Variants in BBS9 observed in about 807,000 individuals in gnomAD.
BBS9 encodes the protein protein PTHB1.
In BBS9, 89 loss-of-function variants were observed where a neutral mutation model predicts 117.7. That is an observed-to-expected ratio of 0.76 (90% CI 0.64 to 0.90). The LOEUF (loss-of-function observed/expected upper bound fraction) is 0.90, where lower values mean the gene tolerates loss of function less well. Ranked by LOEUF, BBS9 falls within the 40% of genes least tolerant of loss-of-function variation. The probability of loss-of-function intolerance (pLI) is 0.00; values close to 1 mark genes in which losing one functional copy is unlikely to be tolerated. For missense variants in BBS9, 982 were observed against 1,042.2 expected (o/e 0.94, Z 0.80); for synonymous variants, 379 against 370.9 (o/e 1.02, Z -0.25).
intron 9 of BBS9, among the ~76,000 whole-genome samples, chr7:33,319,423 G>C (rs900334690): frequency 1.3e-5 from 2 of 152,166 alleles, no homozygotes; most frequent in Non-Finnish European, 2.9e-5. Context: ...TAGTGGGATT[G>C]CTGGATCAAA....
chr7:33,591,968 T>C (rs1458990282), intron 21 of BBS9, among the ~76,000 whole-genome samples: 2 of 152,078 alleles, frequency 1.3e-5, no homozygotes, highest in African/African-American at 4.8e-5. Flanking sequence ...ATCCGTGGTT[T>C]CATTTTAAAA....
At position 33,393,194 on chromosome 7, in the gene BBS9, A is replaced by C. The variant is rs897504064; in HGVS notation, c.2115+5050A>C. On this transcript the variant is annotated intron_variant, in intron 19 of 22. Transcript: ENST00000242067. The stretch of plus-strand genomic sequence containing the variant: ...ACAAACAAACAAACAAACAAACAAA[A>C]AATAAATAAATAAAAAATAATGCAA... Among the ~76,000 whole-genome samples, 8 of 151,700 alleles carry C rather than the reference A, an allele frequency of 5.3e-5. No individual in the cohort carries two copies. In the East Asian group the frequency reaches 5.8e-4, roughly 11 times the overall value.
intron 12 of BBS9, 119 bp downstream of exon 12, chr7:33,344,753 T>C: frequency 4.6e-6 from 5 of 1,087,272 alleles, no homozygotes; most frequent in Non-Finnish European, 7.0e-6. Context: ...TTGGCATTTG[T>C]AGATTTTTCC....
At chr7:33,517,348 T>C (rs1456230195) in intron 20 of BBS9, among the ~76,000 whole-genome samples, 1 of 152,212 alleles carries the variant, frequency 6.6e-6, no homozygotes, top group Admixed American at 6.5e-5. Context: ...CATTCCTGAA[T>C]GCTTCCACCT....
chr7:33,230,061 G>A (rs1403690569), intron 5 of BBS9, among the ~76,000 whole-genome samples: 6 of 151,978 alleles, frequency 3.9e-5, no homozygotes, highest in Non-Finnish European at 8.8e-5. Flanking sequence ...TGTCTTCTTT[G>A]GAGAAATGTC....
chr7:33,570,062 GA>G (rs1857539430), intron 21 of BBS9, among the ~76,000 whole-genome samples: 1 of 152,164 alleles, frequency 6.6e-6, no homozygotes, highest in African/African-American at 2.4e-5. Flanking sequence ...TCCCATATGA[GA>G]AAAAGCATTT....
chr7:33,199,826 C>T (rs942455521), intron 5 of BBS9, among the ~76,000 whole-genome samples: 5 of 151,662 alleles, frequency 3.3e-5, no homozygotes, highest in African/African-American at 1.2e-4. Flanking sequence ...TAGCAAGATA[C>T]AGTATATTGT....
chr7:33,155,823 C>G (rs1794018722), intron 4 of BBS9, 121 bp downstream of exon 4: 1 of 596,662 alleles, frequency 1.7e-6, no homozygotes, highest in Non-Finnish European at 3.0e-6. Context: ...TGAATGTTTT[C>G]TTGTCTTGGT....
At chr7:33,608,503 G>A (rs760751593), downstream of BBS9, among the ~76,000 whole-genome samples, 1 of 152,064 alleles carries the variant, frequency 6.6e-6, no homozygotes, top group Non-Finnish European at 1.5e-5. Context: ...TCCAGCAAAA[G>A]TGTACAAGCA....
intron 15 of BBS9, 85 bp downstream of exon 15, chr7:33,352,958 C>A (rs1460189929): frequency 7.2e-7 from 1 of 1,382,918 alleles, no homozygotes; most frequent in Non-Finnish European, 1.0e-6. Context: ...TGAATGAACT[C>A]TTTTTATGGA....
intron 4 of BBS9, among the ~76,000 whole-genome samples, chr7:33,165,801 G>A (rs1221528750): frequency 6.6e-6 from 1 of 152,082 alleles, no homozygotes; most frequent in African/African-American, 2.4e-5. Flanking sequence ...GCTTGGAGAA[G>A]TTTGTTATTA....
At chr7:33,603,889 C>A (rs1490018840) in intron 21 of BBS9, among the ~76,000 whole-genome samples, 3 of 152,118 alleles carry the variant, frequency 2.0e-5, no homozygotes, top group Admixed American at 6.6e-5. Flanking sequence ...TTCCTTCAAA[C>A]CTGGGATCTT....
chr7:33,216,553 G>T (rs1789101167), intron 5 of BBS9, among the ~76,000 whole-genome samples: 1 of 152,088 alleles, frequency 6.6e-6, no homozygotes, highest in Admixed American at 6.5e-5. Flanking sequence ...TTTAAAAAAA[G>T]AAATCTACGG....
At chr7:33,271,328 A>G (rs546169567) in intron 7 of BBS9, among the ~76,000 whole-genome samples, 3 of 152,348 alleles carry the variant, frequency 2.0e-5, no homozygotes, top group East Asian at 3.9e-4. Flanking sequence ...CGTAATAACC[A>G]GCTAACAACA....
Position 33,254,564 on chromosome 7 carries a change from A to G in BBS9, c.443-2672A>G, listed in dbSNP as rs145140430. On this transcript the variant is annotated intron_variant, in intron 5 of 22. Transcript: ENST00000242067. ...TTCTCTTAGCAAATTTCAAGTGTCCATTATTATTCACTGTAATCACTGTGC... is the reference window on the plus strand; with the variant it reads ...TTCTCTTAGCAAATTTCAAGTGTCCGTTATTATTCACTGTAATCACTGTGC... 2.5e-4 allele frequency among the ~76,000 whole-genome samples: 38 copies of G among 152,264 alleles called. 1 individual carries two copies. Among genetic ancestry groups the G allele is most frequent in the African/African-American group, 8.7e-4 (36 of 41,576 alleles).
intron 17 of BBS9, among the ~76,000 whole-genome samples, chr7:33,379,769 T>G (rs1824606762): frequency 6.6e-6 from 1 of 152,214 alleles, no homozygotes; most frequent in Non-Finnish European, 1.5e-5. Flanking sequence ...GTAACATTTA[T>G]TGAGTGCTTA....
chr7:33,383,792 C>G lies in BBS9; in HGVS notation c.1916C>G (p.Ser639Cys). ...GATTTTGCATGTTCTTTTTCGGGATCTATACCCCTTCAAGAATATTTTGAG... is the reference window on the plus strand; with the variant it reads ...GATTTTGCATGTTCTTTTTCGGGATGTATACCCCTTCAAGAATATTTTGAG... ...VKDFACSFSG[S>C]IPLQEYFELI... is the part of the protein sequence containing the mutation. Residue 639 changes from serine to cysteine, a missense_variant, in exon 18 of 23, where the codon TCT becomes TGT. By Grantham distance (112) the Ser-to-Cys change is moderately radical. Coordinates refer to ENST00000242067, the MANE Select transcript of BBS9 (RefSeq NM_198428.3). The G allele has an allele frequency of 6.2e-7, 1 of 1,612,754 alleles. No individual in the cohort carries two copies. Among genetic ancestry groups the G allele is most frequent in the South Asian group, 1.1e-5 (1 of 90,954 alleles).
intron 20 of BBS9, among the ~76,000 whole-genome samples, chr7:33,506,145 C>G (rs937801054): frequency 1.3e-5 from 2 of 152,054 alleles, no homozygotes; most frequent in Non-Finnish European, 2.9e-5. Context: ...ACCCTCAGTC[C>G]TAGCATAGGC....
In BBS9 at chr7:33,449,161, G is replaced by A. The variant is rs1417837247; in HGVS notation, c.2116-56302G>A. Among the ~76,000 whole-genome samples, 4 of 152,298 alleles carry A rather than the reference G, an allele frequency of 2.6e-5. No homozygotes were observed. In the East Asian group the frequency reaches 5.8e-4, roughly 22 times the overall value. On this transcript the variant is annotated intron_variant, in intron 19 of 22. Transcript: ENST00000242067. Reference sequence around the variant, plus strand: ...GTCCTTGTGCTGGGCATCAATCGTGGTAGTTGTGCTGTGGAATTCGTTTTT... The same window carrying A: ...GTCCTTGTGCTGGGCATCAATCGTGATAGTTGTGCTGTGGAATTCGTTTTT...
Sources: allele counts gnomAD v4.1 joint callset (sites outside exome capture counted in the v4.1 genomes callset), GRCh38; gene constraint gnomAD v4.1.1; transcripts MANE v1.5; gene names NCBI Gene and HGNC (gene_info 2026-07-23, HGNC 2026-07-21).